Variants in ZNF275 observed in about 807,000 individuals in gnomAD.
The protein encoded by ZNF275 is zinc finger protein 275.
In ZNF275, 4 loss-of-function variants were observed where a neutral mutation model predicts 4.3. That is an observed-to-expected ratio of 0.93 (90% CI 0.46 to 2.13). The LOEUF (loss-of-function observed/expected upper bound fraction) is 2.13, where lower values mean the gene tolerates loss of function less well. ZNF275 is among the 30% of genes most tolerant of loss of function. The probability of loss-of-function intolerance (pLI) is 0.02; values close to 1 mark genes in which losing one functional copy is unlikely to be tolerated. For missense variants in ZNF275, 352 were observed against 397.1 expected (o/e 0.89, Z 0.97); for synonymous variants, 173 against 166.9 (o/e 1.04, Z -0.28).
rs7050212 is a variant in ZNF275, at chrX:153,350,803, T to C, written c.*2828T>C. Reference sequence around the variant, plus strand: ...GTGAATCTGTGTCTGAAATCACTACTTTCTTCTCGGATCCTTTTTCTCTTT... The same window carrying C: ...GTGAATCTGTGTCTGAAATCACTACCTTCTTCTCGGATCCTTTTTCTCTTT... On this transcript the variant is annotated 3_prime_UTR_variant, in exon 4 of 4. Coordinates refer to ENST00000650114, the MANE Select transcript of ZNF275 (RefSeq NM_001367757.1). 0.038 allele frequency: 4,678 copies of C among 123,945 alleles called. 181 individuals carry two copies. The highest frequency in any genetic ancestry group is 0.16 in the East Asian group (563 of 3,554). 10.2% of individuals were successfully genotyped at this position (123,945 alleles called of 1,213,427 possible).
At chrX:153,345,248 A>G (rs1602829859) in intron 2 of ZNF275, 1 of 249,263 alleles carries the variant, frequency 4.0e-6, no homozygotes, top group Non-Finnish European at 7.4e-6. Context: ...GAGTGGGTGG[A>G]CAGAGAGAAG....
At chrX:153,336,547 A>G in intron 1 of ZNF275, 87 bp from the exon 2 acceptor site, 1 of 641,452 alleles carries the variant, frequency 1.6e-6, no homozygotes, top group Non-Finnish European at 2.5e-6. Context: ...GGCCCAGTTC[A>G]GTACATCCCC....
rs372399918 is a variant in ZNF275, at chrX:153,338,660, C to CTGTG, written c.31+2004_31+2007dup. 5.5e-4 allele frequency among the ~76,000 whole-genome samples: 42 copies of CTGTG among 76,611 alleles called. 1 individual carries two copies. Among genetic ancestry groups the CTGTG allele is most frequent in the Non-Finnish European group, 8.2e-4 (31 of 37,669 alleles). 66.5% of individuals were successfully genotyped at this position (76,611 alleles called of 115,157 possible). On this transcript the variant is annotated intron_variant, in intron 2 of 3. Transcript: ENST00000650114. Reference sequence around the variant, plus strand: ...ATTAAATGTGGGTGGCTTGGGAGGACTGTGTGTGTGTGTGTGTGTGTGTGT... The same window carrying CTGTG: ...ATTAAATGTGGGTGGCTTGGGAGGACTGTGTGTGTGTGTGTGTGTGTGTGTGTGT...
intron 2 of ZNF275, chrX:153,343,370 C>T (rs1433658916): frequency 3.0e-6 from 1 of 337,683 alleles, no homozygotes; most frequent in Non-Finnish European, 5.7e-6. Context: ...GTAGCTGTTT[C>T]TTAGAATTCA....
chrX:153,338,948 G>A (rs1360488696), intron 2 of ZNF275, among the ~76,000 whole-genome samples: 1 of 111,066 alleles, frequency 9.0e-6, no homozygotes, highest in Non-Finnish European at 1.9e-5. Flanking sequence ...CAAATCTTGG[G>A]AGCTAGATAT....
rs931537109 is a variant in ZNF275 at position 153,340,290 on chromosome X, T to C, written c.31+3580T>C. ...GCTAGATGAGGCCTTCTGCCCGCACTTCTTAGGTGCTGATAGCTTGCAGGG... is the reference window on the plus strand; with the variant it reads ...GCTAGATGAGGCCTTCTGCCCGCACCTCTTAGGTGCTGATAGCTTGCAGGG... On this transcript the variant is annotated intron_variant, in intron 2 of 3. Coordinates refer to ENST00000650114, the MANE Select transcript of ZNF275 (RefSeq NM_001367757.1). Among the ~76,000 whole-genome samples the C allele has an allele frequency of 6.1e-4, 68 of 112,285 alleles. 1 individual carries two copies. Among genetic ancestry groups the C allele is most frequent in the African/African-American group, 2.0e-3 (62 of 30,822 alleles).
chrX:153,339,439 A>T (rs2124205580), intron 2 of ZNF275, among the ~76,000 whole-genome samples: 1 of 111,167 alleles, frequency 9.0e-6, no homozygotes, highest in South Asian at 3.9e-4. Context: ...TCGGAGATTG[A>T]GGTGGGAAGA....
chrX:153,335,592 A>ACC (rs1556960537), intron 1 of ZNF275: 2 of 108,096 alleles, frequency 1.9e-5, no homozygotes, highest in African/African-American at 6.7e-5. Context: ...TCTGTGAGGG[A>ACC]CCCCTTGGAA....
At chrX:153,341,279 T>C (rs1234109970) in intron 2 of ZNF275, among the ~76,000 whole-genome samples, 2 of 112,171 alleles carry the variant, frequency 1.8e-5, no homozygotes, top group Non-Finnish European at 3.8e-5. Flanking sequence ...CATTCTTTTT[T>C]CCCCTCTTTT....
rs782458088 is a variant in ZNF275, at chrX:153,347,520, G to C, written c.835G>C (p.Gly279Arg). Residue 279 changes from glycine (G) to arginine (R), a missense_variant, in exon 4 of 4, where the codon GGG becomes CGG. Coordinates refer to ENST00000650114, the MANE Select transcript of ZNF275 (RefSeq NM_001367757.1). Reference sequence around the variant, plus strand: ...CGGCAAGTCCTTCCGAGGGGTCAACGGGCTGGCCGAGCACCAGCGCATCCA... The same window carrying C: ...CGGCAAGTCCTTCCGAGGGGTCAACCGGCTGGCCGAGCACCAGCGCATCCA... ...DCGKSFRGVN[G>R]LAEHQRIHSG... 8.4e-7 allele frequency: 1 copy of C among 1,193,081 alleles called. No individual in the cohort carries two copies. Among genetic ancestry groups the C allele is most frequent in the Non-Finnish European group, 1.1e-6 (1 of 886,805 alleles).
At chrX:153,340,292 C>T (rs1047240417) in intron 2 of ZNF275, among the ~76,000 whole-genome samples, 2 of 112,372 alleles carry the variant, frequency 1.8e-5, no homozygotes, top group South Asian at 7.4e-4. Context: ...GCCCGCACTT[C>T]TTAGGTGCTG....
Position 153,347,168 on chromosome X carries a change from T to C in ZNF275, c.483T>C (p.Ser161=), listed in dbSNP as rs782716808. 8.3e-7 allele frequency: 1 copy of C among 1,209,579 alleles called. No homozygotes were observed. Among genetic ancestry groups the C allele is most frequent in the Non-Finnish European group, 1.1e-6 (1 of 894,358 alleles). The change falls in exon 4 of 4, where the codon AGT becomes AGC. Residue 161 remains serine (S), a synonymous_variant. Transcript: ENST00000650114. ...HVAAEPQPGP[S]RALENAAEKR... is the part of the protein sequence containing the mutation. ...CTGCGGAGCCCCAGCCCGGCCCCAG[T>C]AGGGCCCTGGAGAATGCCGCGGAGA...
Position 153,347,066 on chromosome X carries a change from G to A in ZNF275, c.381G>A (p.Lys127=). The change falls in exon 4 of 4, where the codon AAG becomes AAA. Residue 127 remains lysine (K), a synonymous_variant. Coordinates refer to ENST00000650114, the MANE Select transcript of ZNF275 (RefSeq NM_001367757.1). ...VQHQRVHSEE[K]GWECGDCGKV... is the part of the protein sequence containing the mutation. ...ACCAGAGAGTCCACAGTGAGGAGAAGGGCTGGGAATGTGGCGACTGCGGGA... is the reference window on the plus strand; with the variant it reads ...ACCAGAGAGTCCACAGTGAGGAGAAAGGCTGGGAATGTGGCGACTGCGGGA... 2 of 1,211,821 alleles carry A rather than the reference G, an allele frequency of 1.7e-6. No homozygotes were observed. The highest frequency in any genetic ancestry group is 2.2e-6 in the Non-Finnish European group (2 of 895,485).
rs944124605 is a variant in ZNF275, at chrX:153,350,014, G to A, written c.*2039G>A. The A allele has an allele frequency of 2.4e-5, 3 of 124,204 alleles. No homozygotes were observed. The highest frequency in any genetic ancestry group is 3.7e-4 in the South Asian group (1 of 2,728). 10.2% of individuals were successfully genotyped at this position (124,204 alleles called of 1,213,427 possible). ...CCAGCCATCCTTTGAGCTCCTGGGA[G>A]CCTTGGCAATGCTCCGAGTGGATTC... On this transcript the variant is annotated 3_prime_UTR_variant, in exon 4 of 4. Transcript: ENST00000650114.
intron 1 of ZNF275, 86 bp from the exon 2 acceptor site, chrX:153,336,548 G>A: frequency 9.2e-6 from 6 of 654,839 alleles, no homozygotes; most frequent in South Asian, 5.2e-5. Flanking sequence ...GCCCAGTTCA[G>A]TACATCCCCC....
Position 153,348,736 on chromosome X carries a change from G to A in ZNF275, c.*761G>A, listed in dbSNP as rs1329684493. ...CCCAAGCCATAAGACCATATTTGCA[G>A]AACATTAGGACGATTTCTCTTGTCG... On this transcript the variant is annotated 3_prime_UTR_variant, in exon 4 of 4. Coordinates refer to ENST00000650114, the MANE Select transcript of ZNF275 (RefSeq NM_001367757.1). 2 of 122,938 alleles carry A rather than the reference G, an allele frequency of 1.6e-5. No homozygotes were observed. The highest frequency in any genetic ancestry group is 1.9e-4 in the Admixed American group (2 of 10,543). The allele number at this position is 122,938 out of a possible 1,213,427, so 10.1% of individuals were successfully genotyped here. A position where few individuals can be genotyped will look rare whatever the true frequency, so the allele number is the denominator to read the frequency against.
At position 153,347,693 on chromosome X, in the gene ZNF275, C is replaced by G; in HGVS notation, c.1008C>G (p.Leu336=). The change falls in exon 4 of 4, where the codon CTC becomes CTG. Residue 336 remains leucine, a synonymous_variant. Coordinates refer to ENST00000650114, the MANE Select transcript of ZNF275 (RefSeq NM_001367757.1). ...AGGCCTTCCGCCAGAGCTCCAGCCT[C>G]CTGGAGCACGCACGCATCCACAGTG... ...CGKAFRQSSS[L]LEHARIHSGE... is the part of the protein sequence containing the mutation. The G allele has an allele frequency of 8.3e-7, 1 of 1,209,625 alleles. No individual in the cohort carries two copies. The highest frequency in any genetic ancestry group is 1.1e-6 in the Non-Finnish European group (1 of 894,522).
chrX:153,334,787 C>T (rs1197324886), intron 1 of ZNF275, among the ~76,000 whole-genome samples: 1 of 103,913 alleles, frequency 9.6e-6, no homozygotes, highest in East Asian at 3.3e-4. Context: ...AGGGACTGAG[C>T]CGCAGTCTGG....
At chrX:153,335,872 A>G (rs112937928) in intron 1 of ZNF275, among the ~76,000 whole-genome samples, 22,433 of 110,383 alleles carry the variant, frequency 0.2, 2,274 homozygotes, top group Non-Finnish European at 0.3. Context: ...AGTGAACTCC[A>G]CACCAACTTT....
Sources: gnomAD v4.1 joint callset for allele counts (sites outside exome capture counted in the v4.1 genomes callset) on GRCh38, gnomAD v4.1.1 for gene constraint, MANE v1.5 for transcripts, NCBI Gene and HGNC (gene_info 2026-07-23, HGNC 2026-07-21) for gene names.